DOCK4: variants seen among roughly 807,000 people sequenced by gnomAD.
DOCK4 encodes dedicator of cytokinesis protein 4.
A neutral mutation model predicts 268.1 loss-of-function variants in DOCK4; 97 were observed. The observed-to-expected ratio is 0.36, with a 90% CI of 0.31 to 0.43. DOCK4 has a LOEUF of 0.43. DOCK4 is among the 20% of genes least tolerant of loss of function. The probability of loss-of-function intolerance (pLI) is 1.00; values close to 1 mark genes in which losing one functional copy is unlikely to be tolerated. For missense variants in DOCK4, 2,145 were observed against 2,455.7 expected, an observed-to-expected ratio of 0.87 and a Z score of 2.67; for synonymous variants, 954 against 887.2, an observed-to-expected ratio of 1.08 and a Z score of -1.34.
intron 7 of DOCK4, among the ~76,000 whole-genome samples, chr7:111,982,287 A>G (rs1156552699): frequency 6.6e-6 from 1 of 152,230 alleles, no homozygotes; most frequent in Non-Finnish European, 1.5e-5. Flanking sequence ...CCAAACCCAG[A>G]AATTCCTGTT....
At chr7:112,066,420 G>C (rs940512269) in intron 1 of DOCK4, among the ~76,000 whole-genome samples, 2 of 151,230 alleles carry the variant, frequency 1.3e-5, no homozygotes, top group African/African-American at 4.9e-5. Context: ...CCTATCATGG[G>C]ACAACTCAGT....
chr7:112,201,744 A>T (rs962311572), intron 1 of DOCK4, among the ~76,000 whole-genome samples: 1 of 152,164 alleles, frequency 6.6e-6, no homozygotes, highest in African/African-American at 2.4e-5. Flanking sequence ...TATGCGATCA[A>T]GAATGCTTTA....
chr7:112,182,069 A>G (rs1819100514), intron 1 of DOCK4, among the ~76,000 whole-genome samples: 1 of 152,328 alleles, frequency 6.6e-6, no homozygotes, highest in East Asian at 1.9e-4. Flanking sequence ...ACCTGCCTTC[A>G]GATACTAGTT....
At chr7:111,884,719 G>A (rs1807691655) in intron 16 of DOCK4, among the ~76,000 whole-genome samples, 1 of 152,168 alleles carries the variant, frequency 6.6e-6, no homozygotes, top group Admixed American at 6.6e-5. Context: ...CCTGGATAAG[G>A]TAGGGAGGAA....
Position 111,926,432 on chromosome 7 carries a change from GAA to G in DOCK4, c.1066+9106_1066+9107del, listed in dbSNP as rs1346958129. ...GCGACACAGCGAGACAAAGAAAAAA[GAA>G]AGACAGAGAGAGAGAGAGAGAGAAA... On this transcript the variant is annotated intron_variant, in intron 12 of 52. Coordinates refer to ENST00000428084, the MANE Select transcript of DOCK4 (RefSeq NM_001363540.2). 4.8e-5 allele frequency among the ~76,000 whole-genome samples: 4 copies of G among 82,846 alleles called. 1 individual carries two copies. The highest frequency in any genetic ancestry group is 1.5e-4 in the African/African-American group (3 of 20,430). 54.4% of individuals were successfully genotyped at this position (82,846 alleles called of 152,430 possible).
intron 46 of DOCK4, 122 bp downstream of exon 46, chr7:111,741,418 G>T: frequency 6.9e-7 from 1 of 1,442,764 alleles, no homozygotes; most frequent in Non-Finnish European, 9.4e-7. Context: ...GCTGCCTCGC[G>T]GGTTAGTTAT....
chr7:111,934,754 TG>T (rs1466578203), intron 12 of DOCK4, among the ~76,000 whole-genome samples: 3 of 150,236 alleles, frequency 2.0e-5, no homozygotes, highest in Non-Finnish European at 4.4e-5. Context: ...TTAGCCAGGA[TG>T]GTCTCGATCT....
chr7:111,798,613 C>T lies in DOCK4; in HGVS notation c.3167-8008G>A, dbSNP rs113634536. Among the ~76,000 whole-genome samples, 458 of 152,306 alleles carry T rather than the reference C, an allele frequency of 3.0e-3. 2 individuals are homozygous for T. Among genetic ancestry groups the T allele is most frequent in the African/African-American group, 0.01 (434 of 41,568 alleles). On this transcript the variant is annotated intron_variant, in intron 30 of 52. Coordinates refer to ENST00000428084, the MANE Select transcript of DOCK4 (RefSeq NM_001363540.2). ...CTAGGAAATAATTTAACTGTTTACA[C>T]CCCACATACTGTGGCAGAATTACTG...
chr7:111,872,149 T>C lies in DOCK4; in HGVS notation c.1927-59A>G, dbSNP rs1380029893. ...ATGCAAATCAAGGTTTTCCTTTTTT[T>C]TTTGCTTCTTTTTAAAATGAACTCT... On this transcript the variant is annotated intron_variant, in intron 19 of 52. Transcript: ENST00000428084. 4 of 1,442,576 alleles carry C rather than the reference T, an allele frequency of 2.8e-6. No homozygotes were observed. In the African/African-American group the frequency reaches 4.3e-5, roughly 16 times the overall value. 89.4% of individuals were successfully genotyped at this position (1,442,576 alleles called of 1,614,324 possible). A position where few individuals can be genotyped will look rare whatever the true frequency, so the allele number is the denominator to read the frequency against.
chr7:111,926,124 G>GAA (rs368524657), intron 12 of DOCK4, among the ~76,000 whole-genome samples: 9,234 of 100,644 alleles, frequency 0.092, 354 homozygotes, highest in South Asian at 0.11. Context: ...AAGAGAAAAA[G>GAA]AAAGAAAGAA....
intron 23 of DOCK4, among the ~76,000 whole-genome samples, chr7:111,847,797 T>C (rs1804234358): frequency 6.6e-6 from 1 of 152,234 alleles, no homozygotes; most frequent in Non-Finnish European, 1.5e-5. Flanking sequence ...TTTTTCTTTA[T>C]AACTTACCCA....
chr7:111,827,917 T>C (rs980902480), intron 26 of DOCK4, among the ~76,000 whole-genome samples: 25 of 152,170 alleles, frequency 1.6e-4, no homozygotes, highest in Non-Finnish European at 2.2e-4. Flanking sequence ...GGACAGTATA[T>C]AGGAGACAAT....
chr7:111,821,210 A>G (rs1374577937), intron 27 of DOCK4: 2 of 152,172 alleles, frequency 1.3e-5, no homozygotes, highest in Non-Finnish European at 2.9e-5. Flanking sequence ...ATCGAATCCT[A>G]TATTCCTGCA....
chr7:111,885,470 C>T (rs903874081), intron 16 of DOCK4, among the ~76,000 whole-genome samples: 4 of 152,140 alleles, frequency 2.6e-5, no homozygotes, highest in African/African-American at 7.2e-5. Context: ...CTAGAGAACT[C>T]GTTTTCTTGT....
At chr7:112,022,697 G>A (rs542149424) in intron 1 of DOCK4, among the ~76,000 whole-genome samples, 8 of 152,254 alleles carry the variant, frequency 5.3e-5, no homozygotes, top group African/African-American at 1.9e-4. Flanking sequence ...AGCACACCTG[G>A]GCAGCAAAGG....
intron 12 of DOCK4, among the ~76,000 whole-genome samples, chr7:111,924,826 T>C (rs1195906345): frequency 2.0e-5 from 3 of 152,170 alleles, no homozygotes; most frequent in East Asian, 1.9e-4. Flanking sequence ...TCAATAATGG[T>C]TGTTCCATTG....
intron 26 of DOCK4, among the ~76,000 whole-genome samples, chr7:111,826,306 G>T (rs1471248443): frequency 6.6e-6 from 1 of 152,188 alleles, no homozygotes; most frequent in African/African-American, 2.4e-5. Flanking sequence ...ATAAATAAAA[G>T]ATAGACATAT....
At chr7:111,910,439 A>G (rs1791998723) in intron 13 of DOCK4, among the ~76,000 whole-genome samples, 1 of 152,258 alleles carries the variant, frequency 6.6e-6, no homozygotes, top group Non-Finnish European at 1.5e-5. Context: ...GAAAAGAGAC[A>G]TGCTGTACAT....
At chr7:111,772,226 C>T (rs1798165749) in intron 36 of DOCK4, among the ~76,000 whole-genome samples, 1 of 152,022 alleles carries the variant, frequency 6.6e-6, no homozygotes, top group South Asian at 2.1e-4. Flanking sequence ...CTTGGTAACA[C>T]AGTGAGTCCT....
Sources: gnomAD v4.1 joint callset for allele counts (sites outside exome capture counted in the v4.1 genomes callset) on GRCh38, gnomAD v4.1.1 for gene constraint, MANE v1.5 for transcripts, NCBI Gene and HGNC (gene_info 2026-07-23, HGNC 2026-07-21) for gene names.